Variants in UBE2E2 observed in about 807,000 individuals in gnomAD.
UBE2E2 encodes the protein ubiquitin-conjugating enzyme E2 E2.
UBE2E2 carries 6 observed loss-of-function variants against 24.7 expected under a neutral mutation model. That is an observed-to-expected ratio of 0.24 (90% CI 0.13 to 0.48). The LOEUF (loss-of-function observed/expected upper bound fraction) is 0.48, where lower values mean the gene tolerates loss of function less well. Among genes scored for constraint, UBE2E2 ranks in the 20% least tolerant of loss-of-function variants. UBE2E2 has a pLI of 0.99. For missense variants in UBE2E2, 169 were observed against 245.0 expected (o/e 0.69, Z 2.07); for synonymous variants, 104 against 83.6 (o/e 1.24, Z -1.33).
chr3:23,233,913 AG>A (rs952543034), intron 3 of UBE2E2, among the ~76,000 whole-genome samples: 4 of 152,334 alleles, frequency 2.6e-5, no homozygotes, highest in South Asian at 2.1e-4. Context: ...TACTAAATTC[AG>A]GGTTTAAATA....
intron 3 of UBE2E2, among the ~76,000 whole-genome samples, chr3:23,279,268 C>G (rs1177779275): frequency 6.6e-6 from 1 of 152,102 alleles, no homozygotes; most frequent in Admixed American, 6.6e-5. Context: ...AATGTGAGAT[C>G]TACCGGAGGA....
chr3:23,263,934 C>T (rs112872301), intron 3 of UBE2E2, among the ~76,000 whole-genome samples: 2 of 152,142 alleles, frequency 1.3e-5, no homozygotes, highest in African/African-American at 2.4e-5. Context: ...GATTAGACAA[C>T]TCAGACTAAG....
At chr3:23,486,408 C>T (rs1259958052) in intron 3 of UBE2E2, among the ~76,000 whole-genome samples, 3 of 152,140 alleles carry the variant, frequency 2.0e-5, no homozygotes, top group African/African-American at 4.8e-5. Flanking sequence ...TTAGGAAGCC[C>T]TGAGATCTGG....
At chr3:23,400,208 G>A (rs1697183948) in intron 3 of UBE2E2, among the ~76,000 whole-genome samples, 1 of 152,144 alleles carries the variant, frequency 6.6e-6, no homozygotes, top group African/African-American at 2.4e-5. Flanking sequence ...ACCAAGCTTG[G>A]AAAATCATGT....
At chr3:23,581,098 T>A (rs1205706626) in intron 5 of UBE2E2, among the ~76,000 whole-genome samples, 1 of 152,012 alleles carries the variant, frequency 6.6e-6, no homozygotes, top group African/African-American at 2.4e-5. Flanking sequence ...TGAGGTGGGG[T>A]CTCACTCTGA....
At chr3:23,239,947 G>A (rs1697214361) in intron 3 of UBE2E2, among the ~76,000 whole-genome samples, 1 of 152,122 alleles carries the variant, frequency 6.6e-6, no homozygotes, top group African/African-American at 2.4e-5. Flanking sequence ...TGTAATTTCT[G>A]TTTCTACCTA....
At chr3:23,246,627 T>C (rs1266951961) in intron 3 of UBE2E2, among the ~76,000 whole-genome samples, 1 of 151,994 alleles carries the variant, frequency 6.6e-6, no homozygotes, top group East Asian at 1.9e-4. Context: ...CAAACAGTCC[T>C]CCTGCCTCAG....
chr3:23,235,905 G>A lies in UBE2E2; in HGVS notation c.227+18593G>A, dbSNP rs116207879. Among the ~76,000 whole-genome samples the A allele has an allele frequency of 7.4e-3, 1,125 of 152,238 alleles. 4 individuals carry two copies. The highest frequency in any genetic ancestry group is 0.017 in the Middle Eastern group (5 of 294). ...ACATCCAAATGGAGATGTCAAGTAG[G>A]CAGTTGAACATGAGTTTGGAGCTCA... On this transcript the variant is annotated intron_variant, in intron 3 of 5. Transcript: ENST00000396703.
chr3:23,546,552 CA>C (rs1188559220), intron 5 of UBE2E2, among the ~76,000 whole-genome samples: 1 of 144,000 alleles, frequency 6.9e-6, no homozygotes, highest in Non-Finnish European at 1.5e-5. Context: ...CAGCTCACCA[CA>C]ACCCCCACCT....
At chr3:23,396,266 C>T (rs1416092260) in intron 3 of UBE2E2, among the ~76,000 whole-genome samples, 1 of 147,688 alleles carries the variant, frequency 6.8e-6, no homozygotes, top group African/African-American at 2.5e-5. Context: ...GGGCCAGGAT[C>T]AAAGTTCTTG....
At chr3:23,317,294 T>C (rs993512375) in intron 3 of UBE2E2, among the ~76,000 whole-genome samples, 1 of 152,218 alleles carries the variant, frequency 6.6e-6, no homozygotes, top group Non-Finnish European at 1.5e-5. Context: ...CTGTGGCTAG[T>C]GCTGGTCTCA....
At chr3:23,209,981 G>A (rs1696274765) in intron 2 of UBE2E2, among the ~76,000 whole-genome samples, 1 of 152,042 alleles carries the variant, frequency 6.6e-6, no homozygotes, top group Non-Finnish European at 1.5e-5. Flanking sequence ...TGCTAGGGTG[G>A]GGAAGAGGGT....
intron 3 of UBE2E2, among the ~76,000 whole-genome samples, chr3:23,336,012 TTAAAG>T (rs1695199773): frequency 1.3e-5 from 2 of 152,316 alleles, no homozygotes; most frequent in African/African-American, 2.4e-5. Flanking sequence ...ACATGAGTGA[TTAAAG>T]TAAGATTATT....
chr3:23,368,723 G>A (rs1696324728), intron 3 of UBE2E2, among the ~76,000 whole-genome samples: 1 of 152,018 alleles, frequency 6.6e-6, no homozygotes, highest in African/African-American at 2.4e-5. Flanking sequence ...TCCTTCTTCA[G>A]CAGATTTGAA....
intron 3 of UBE2E2, among the ~76,000 whole-genome samples, chr3:23,488,730 T>A (rs1346917784): frequency 2.0e-5 from 3 of 152,192 alleles, no homozygotes; most frequent in African/African-American, 7.2e-5. Context: ...TTGTTTATAC[T>A]GCAGATAAGA....
At chr3:23,578,042 A>G (rs1208675072) in intron 5 of UBE2E2, among the ~76,000 whole-genome samples, 2 of 151,804 alleles carry the variant, frequency 1.3e-5, no homozygotes, top group African/African-American at 2.4e-5. Context: ...TTTTCAAAAT[A>G]CTAGTACTCA....
At chr3:23,409,266 C>G (rs34928966) in intron 3 of UBE2E2, among the ~76,000 whole-genome samples, 9,243 of 152,198 alleles carry the variant, frequency 0.061, 448 homozygotes, top group Non-Finnish European at 0.087. Flanking sequence ...ACACAGTTAG[C>G]TCTTAGAAAA....
At chr3:23,203,272 G>GGCGGGC (rs1209539527), upstream of UBE2E2, 128 of 986,524 alleles carry the variant, frequency 1.3e-4, no homozygotes, top group Non-Finnish European at 1.5e-4. Context: ...GGTGAGTCCG[G>GGCGGGC]GCGGGCGCGA....
intron 3 of UBE2E2, among the ~76,000 whole-genome samples, chr3:23,459,309 A>G (rs947666890): frequency 6.6e-6 from 1 of 152,228 alleles, no homozygotes; most frequent in Admixed American, 6.5e-5. Context: ...AATTTCATAA[A>G]CATTCTTCTC....
Sources: allele counts gnomAD v4.1 joint callset (sites outside exome capture counted in the v4.1 genomes callset), GRCh38; gene constraint gnomAD v4.1.1; transcripts MANE v1.5; gene names NCBI Gene and HGNC (gene_info 2026-07-23, HGNC 2026-07-21).